SDK1: variants seen among roughly 807,000 people sequenced by gnomAD.
SDK1 encodes protein sidekick-1.
SDK1 carries 157 observed loss-of-function variants against 245.5 expected under a neutral mutation model. That is an observed-to-expected ratio of 0.64 (90% CI 0.56 to 0.73). The LOEUF is 0.73. Ranked by LOEUF, SDK1 falls within the 30% of genes least tolerant of loss-of-function variation. The probability of loss-of-function intolerance (pLI) is 0.00; values close to 1 mark genes in which losing one functional copy is unlikely to be tolerated. For missense variants in SDK1, 3,583 were observed against 3,002.3 expected (o/e 1.19, Z -4.52); for synonymous variants, 1,647 against 1,278.5 (o/e 1.29, Z -6.15).
chr7:3,591,894 G>A (rs1780886937), intron 1 of SDK1, among the ~76,000 whole-genome samples: 1 of 152,180 alleles, frequency 6.6e-6, no homozygotes, highest in Non-Finnish European at 1.5e-5. Flanking sequence ...AACCTGGGGT[G>A]GTGTCTGAAG....
At chr7:3,542,509 G>T (rs1779082400) in intron 1 of SDK1, among the ~76,000 whole-genome samples, 2 of 152,148 alleles carry the variant, frequency 1.3e-5, no homozygotes. Context: ...ACATCGTTGT[G>T]TGCCAAGCAT....
rs371050576 is a variant in SDK1 at position 4,184,150 on chromosome 7, T to A, written c.5098+5564T>A. Among the ~76,000 whole-genome samples, 4 of 152,214 alleles carry A rather than the reference T, an allele frequency of 2.6e-5. No individual in the cohort carries two copies. In the East Asian group the frequency reaches 5.8e-4, roughly 22 times the overall value. The stretch of plus-strand genomic sequence containing the variant: ...CGTATTGACTTAGAGCAAGTAGGCC[T>A]TCAGAAGAGGAAATTAAATTGGGCC... On this transcript the variant is annotated intron_variant, in intron 35 of 44. Transcript: ENST00000404826.
intron 1 of SDK1, among the ~76,000 whole-genome samples, chr7:3,349,259 T>G (rs1274675583): frequency 2.0e-5 from 3 of 152,110 alleles, no homozygotes; most frequent in Non-Finnish European, 4.4e-5. Flanking sequence ...ACCTTTGACT[T>G]TATGAGGGCT....
intron 1 of SDK1, among the ~76,000 whole-genome samples, chr7:3,318,275 AC>A (rs1358109992): frequency 1.3e-5 from 2 of 152,178 alleles, no homozygotes; most frequent in African/African-American, 4.8e-5. Context: ...TGGCATTATA[AC>A]ATAGTGTCAT....
rs73308046 is a variant in SDK1 at position 3,805,916 on chromosome 7, G to T, written c.714-15534G>T. Reference sequence around the variant, plus strand: ...AAGTCACCTCCTTGTAGCTGGCCTGGCTCCTTTGCCCCCTCTTCTTCCTTT... The same window carrying T: ...AAGTCACCTCCTTGTAGCTGGCCTGTCTCCTTTGCCCCCTCTTCTTCCTTT... On this transcript the variant is annotated intron_variant, in intron 4 of 44. Transcript: ENST00000404826. 6.1e-3 allele frequency among the ~76,000 whole-genome samples: 932 copies of T among 152,160 alleles called. 9 individuals carry two copies. The highest frequency in any genetic ancestry group is 0.021 in the African/African-American group (872 of 41,494).
intron 25 of SDK1, among the ~76,000 whole-genome samples, chr7:4,115,883 G>C (rs1783673385): frequency 6.6e-6 from 1 of 152,226 alleles, no homozygotes; most frequent in African/African-American, 2.4e-5. Flanking sequence ...GAGTGACTTT[G>C]ATGGGAAATG....
chr7:4,171,404 G>C (rs1368904071), intron 32 of SDK1, among the ~76,000 whole-genome samples: 1 of 152,222 alleles, frequency 6.6e-6, no homozygotes, highest in Admixed American at 6.5e-5. Context: ...GAAAACCTGG[G>C]ATGCCCAGTT....
intron 4 of SDK1, among the ~76,000 whole-genome samples, chr7:3,804,113 G>C (rs1172264096): frequency 6.6e-6 from 1 of 152,118 alleles, no homozygotes; most frequent in East Asian, 1.9e-4. Flanking sequence ...TTTTAATGTT[G>C]ATGAAGTCCA....
chr7:3,549,563 A>C (rs1438431230), intron 1 of SDK1, among the ~76,000 whole-genome samples: 1 of 152,236 alleles, frequency 6.6e-6, no homozygotes, highest in African/African-American at 2.4e-5. Flanking sequence ...ATCACAGTGC[A>C]CACCAGACAG....
chr7:3,672,698 T>C (rs1783743085), intron 4 of SDK1, among the ~76,000 whole-genome samples: 1 of 133,592 alleles, frequency 7.5e-6, no homozygotes, highest in African/African-American at 2.8e-5. Context: ...AAATTTATAT[T>C]AAATAAAAAT....
intron 5 of SDK1, among the ~76,000 whole-genome samples, chr7:3,895,862 T>G (rs1378967841): frequency 6.6e-6 from 1 of 152,236 alleles, no homozygotes; most frequent in Non-Finnish European, 1.5e-5. Flanking sequence ...ATAAGTGTGT[T>G]GTTAAGTTCT....
chr7:3,910,479 A>G (rs771848030), intron 5 of SDK1, among the ~76,000 whole-genome samples: 15 of 152,074 alleles, frequency 9.9e-5, no homozygotes, highest in Non-Finnish European at 1.3e-4. Flanking sequence ...TGTCCTTAGC[A>G]TTTTGGAAGG....
At position 3,655,477 on chromosome 7, in the gene SDK1, A is replaced by ATG. The variant is rs1324904016; in HGVS notation, c.713+13373_713+13374insGT. On this transcript the variant is annotated intron_variant, in intron 4 of 44. Coordinates refer to ENST00000404826, the MANE Select transcript of SDK1 (RefSeq NM_152744.4). ...TATATATATATATATATATATATAT[A>ATG]TATATATATATATATATATATATAT... 6.4e-3 allele frequency among the ~76,000 whole-genome samples: 567 copies of ATG among 88,188 alleles called. 31 individuals are homozygous for ATG. The highest frequency in any genetic ancestry group is 0.027 in the African/African-American group (535 of 20,108). The allele number at this position is 88,188 out of a possible 152,430, so 57.9% of individuals were successfully genotyped here.
chr7:3,716,323 C>A (rs76332245), intron 4 of SDK1, among the ~76,000 whole-genome samples: 4,126 of 151,708 alleles, frequency 0.027, 194 homozygotes, highest in African/African-American at 0.095. Flanking sequence ...TCACAATAGA[C>A]CCTAAGAAAT....
chr7:4,085,096 C>T (rs1454463269), intron 22 of SDK1, among the ~76,000 whole-genome samples: 1 of 152,160 alleles, frequency 6.6e-6, no homozygotes, highest in East Asian at 1.9e-4. Context: ...TTTTCCCTTA[C>T]TCTAAGACTG....
At chr7:3,526,967 C>T (rs1783159048) in intron 1 of SDK1, among the ~76,000 whole-genome samples, 1 of 152,146 alleles carries the variant, frequency 6.6e-6, no homozygotes, top group South Asian at 2.1e-4. Flanking sequence ...TGTCAGTTAA[C>T]TTGCTATAAA....
At chr7:3,966,505 C>T (rs1468391878) in intron 9 of SDK1, among the ~76,000 whole-genome samples, 1 of 151,986 alleles carries the variant, frequency 6.6e-6, no homozygotes, top group Non-Finnish European at 1.5e-5. Flanking sequence ...CTGCTCGGGG[C>T]CGTGACCATC....
intron 28 of SDK1, among the ~76,000 whole-genome samples, chr7:4,136,960 GGCTT>G (rs1327674951): frequency 6.6e-6 from 1 of 152,222 alleles, no homozygotes; most frequent in Non-Finnish European, 1.5e-5. Context: ...GCGATTCAGT[GGCTT>G]GCGGGTTCTC....
At chr7:3,946,143 A>G (rs938248035) in intron 5 of SDK1, among the ~76,000 whole-genome samples, 3 of 149,466 alleles carry the variant, frequency 2.0e-5, no homozygotes, top group Non-Finnish European at 4.5e-5. Context: ...GTTACCTAGC[A>G]CAATGTATAA....
Sources: allele counts gnomAD v4.1 joint callset (sites outside exome capture counted in the v4.1 genomes callset), GRCh38; gene constraint gnomAD v4.1.1; transcripts MANE v1.5; gene names NCBI Gene and HGNC (gene_info 2026-07-23, HGNC 2026-07-21).